UBE2J1: variants seen among roughly 807,000 people sequenced by gnomAD.
UBE2J1 encodes ubiquitin conjugating enzyme E2 J1.
A neutral mutation model predicts 42.1 loss-of-function variants in UBE2J1; 17 were observed. The observed-to-expected ratio is 0.40, with a 90% CI of 0.28 to 0.61. The LOEUF is 0.61. Ranked by LOEUF, UBE2J1 falls within the 20% of genes least tolerant of loss-of-function variation. The pLI is 0.38. For missense variants in UBE2J1, 291 were observed against 389.4 expected (o/e 0.75, Z 2.13); for synonymous variants, 127 against 137.2 (o/e 0.93, Z 0.52).
chr6:89,330,049 C>T (rs2127859358), intron 7 of UBE2J1, 92 bp from the exon 8 acceptor site: 1 of 1,232,752 alleles, frequency 8.1e-7, no homozygotes, highest in Admixed American at 2.0e-5. Flanking sequence ...TCTCAGAGGA[C>T]AACATATGAC....
At chr6:89,330,200 T>A (rs1302865464) in intron 7 of UBE2J1, among the ~76,000 whole-genome samples, 3 of 152,160 alleles carry the variant, frequency 2.0e-5, no homozygotes, top group Non-Finnish European at 4.4e-5. Context: ...AGAAAAACAA[T>A]CCCTTAAAAC....
At chr6:89,345,368 G>A (rs1050209780) in intron 1 of UBE2J1, among the ~76,000 whole-genome samples, 15 of 152,182 alleles carry the variant, frequency 9.9e-5, no homozygotes, top group Admixed American at 3.3e-4. Flanking sequence ...TTGGGAGACC[G>A]AGGCGAGTGG....
Position 89,333,998 on chromosome 6 carries a change from G to T in UBE2J1, c.559-793C>A, listed in dbSNP as rs960109190. On this transcript the variant is annotated intron_variant, in intron 6 of 7. Coordinates refer to ENST00000435041, the MANE Select transcript of UBE2J1 (RefSeq NM_016021.3). ...ATACTTTACGTCTGTATGTATGTAT[G>T]TATTTATTTATTTATATTTTTTTGA... Among the ~76,000 whole-genome samples, 8 of 152,294 alleles carry T rather than the reference G, an allele frequency of 5.3e-5. No homozygotes were observed. In the East Asian group the frequency reaches 7.7e-4, roughly 15 times the overall value.
chr6:89,341,229 G>GCACT (rs1458668215), intron 3 of UBE2J1, among the ~76,000 whole-genome samples: 2 of 152,218 alleles, frequency 1.3e-5, no homozygotes, highest in African/African-American at 4.8e-5. Flanking sequence ...TTTCAACAGG[G>GCACT]CACTATGTGT....
At chr6:89,350,604 G>A (rs1768456839) in intron 1 of UBE2J1, among the ~76,000 whole-genome samples, 1 of 151,076 alleles carries the variant, frequency 6.6e-6, no homozygotes, top group African/African-American at 2.4e-5. Flanking sequence ...TTTTTTTAGA[G>A]CAGCAACACT....
At chr6:89,349,578 C>A (rs763254745) in intron 1 of UBE2J1, among the ~76,000 whole-genome samples, 3 of 152,006 alleles carry the variant, frequency 2.0e-5, no homozygotes, top group Non-Finnish European at 4.4e-5. Flanking sequence ...GGGTAAACTG[C>A]AAGTTTAGGG....
intron 1 of UBE2J1, among the ~76,000 whole-genome samples, chr6:89,344,184 TC>T (rs144122047): frequency 0.026 from 4,009 of 152,204 alleles, 200 homozygotes; most frequent in African/African-American, 0.092. Context: ...GAGATGGGAT[TC>T]CAACACAGGC....
Position 89,347,929 on chromosome 6 carries a change from G to C in UBE2J1, c.32-4173C>G, listed in dbSNP as rs117927590. 4.8e-3 allele frequency among the ~76,000 whole-genome samples: 736 copies of C among 152,178 alleles called. 6 individuals carry two copies. The highest frequency in any genetic ancestry group is 7.0e-3 in the Non-Finnish European group (477 of 68,002). Reference sequence around the variant, plus strand: ...AGTCATTAAGGTTGAAAATGGACTGGTATATAAGGCCTTCTCAATGATTCT... The same window carrying C: ...AGTCATTAAGGTTGAAAATGGACTGCTATATAAGGCCTTCTCAATGATTCT... On this transcript the variant is annotated intron_variant, in intron 1 of 7. Coordinates refer to ENST00000435041, the MANE Select transcript of UBE2J1 (RefSeq NM_016021.3).
chr6:89,340,423 T>C (rs1233769695), intron 3 of UBE2J1, among the ~76,000 whole-genome samples: 3 of 152,164 alleles, frequency 2.0e-5, no homozygotes, highest in African/African-American at 7.2e-5. Context: ...GCTCTCCCCA[T>C]GATCTAGCAA....
At chr6:89,343,510 C>T (rs921940330) in intron 2 of UBE2J1, among the ~76,000 whole-genome samples, 173 bp downstream of exon 2, 1 of 151,124 alleles carries the variant, frequency 6.6e-6, no homozygotes, top group Non-Finnish European at 1.5e-5. Flanking sequence ...CCACAAAATC[C>T]GTTTCTTCTA....
rs1767946117 is a variant in UBE2J1 at position 89,328,511 on chromosome 6, C to T, written c.*1168G>A. On this transcript the variant is annotated 3_prime_UTR_variant, in exon 8 of 8. Coordinates refer to ENST00000435041, the MANE Select transcript of UBE2J1 (RefSeq NM_016021.3). ...TTAAAAATTAAATCTTCATTAACAA[C>T]ACCCTCAAGAGTGCCCTCAGTGCTG... The T allele has an allele frequency of 6.6e-6, 1 of 152,218 alleles. No homozygotes were observed. Among genetic ancestry groups the T allele is most frequent in the South Asian group, 2.1e-4 (1 of 4,836 alleles). 9.4% of individuals were successfully genotyped at this position (152,218 alleles called of 1,614,324 possible). A position where few individuals can be genotyped will look rare whatever the true frequency, so the allele number is the denominator to read the frequency against.
At position 89,328,600 on chromosome 6, in the gene UBE2J1, GATA is replaced by G. The variant is rs1404572933; in HGVS notation, c.*1076_*1078del. The G allele has an allele frequency of 2.0e-5, 3 of 152,110 alleles. No individual in the cohort carries two copies. Among genetic ancestry groups the G allele is most frequent in the Admixed American group, 1.3e-4 (2 of 15,266 alleles). The allele number at this position is 152,110 out of a possible 1,614,324, so 9.4% of individuals were successfully genotyped here. On this transcript the variant is annotated 3_prime_UTR_variant, in exon 8 of 8. Coordinates refer to ENST00000435041, the MANE Select transcript of UBE2J1 (RefSeq NM_016021.3). ...ATATGGTTTCACCAGCCATTATGAT[GATA>G]ATATTATCTACTAGAGTCTGTGGCG... is the stretch of plus-strand genomic sequence containing the variant.
At chr6:89,337,248 G>A (rs1390296642) in intron 5 of UBE2J1, among the ~76,000 whole-genome samples, 1 of 141,492 alleles carries the variant, frequency 7.1e-6, no homozygotes, top group Non-Finnish European at 1.5e-5. Context: ...TTTTTACCTC[G>A]CACATGAAAT....
At chr6:89,339,885 G>C (rs969774264) in intron 3 of UBE2J1, among the ~76,000 whole-genome samples, 1 of 151,948 alleles carries the variant, frequency 6.6e-6, no homozygotes, top group Non-Finnish European at 1.5e-5. Flanking sequence ...AGCGTGGTAT[G>C]TGTGACTATA....
intron 1 of UBE2J1, among the ~76,000 whole-genome samples, chr6:89,350,145 A>G (rs1366968636): frequency 6.6e-6 from 1 of 152,222 alleles, no homozygotes; most frequent in African/African-American, 2.4e-5. Flanking sequence ...AAAAAAAACC[A>G]TAAAGCAAAA....
chr6:89,350,775 A>G (rs762279368), intron 1 of UBE2J1, among the ~76,000 whole-genome samples: 8 of 152,174 alleles, frequency 5.3e-5, no homozygotes, highest in Admixed American at 2.0e-4. Context: ...AGTCTAACCT[A>G]TCGAAATTGA....
chr6:89,347,339 G>T (rs1429172380), intron 1 of UBE2J1, among the ~76,000 whole-genome samples: 1 of 152,210 alleles, frequency 6.6e-6, no homozygotes, highest in Non-Finnish European at 1.5e-5. Context: ...CAAAAAGATT[G>T]TTTTTCCTTC....
At chr6:89,337,854 T>C (rs989206262) in intron 5 of UBE2J1, among the ~76,000 whole-genome samples, 1 of 152,244 alleles carries the variant, frequency 6.6e-6, no homozygotes, top group Non-Finnish European at 1.5e-5. Context: ...TGTAATCTTG[T>C]GGAAAGCTAC....
intron 1 of UBE2J1, among the ~76,000 whole-genome samples, chr6:89,346,547 G>A (rs1404807044): frequency 2.6e-5 from 4 of 151,878 alleles, no homozygotes; most frequent in East Asian, 3.9e-4. Flanking sequence ...AGGCTGCTCC[G>A]GCCCCATCCT....
Sources: gnomAD v4.1 joint callset for allele counts (sites outside exome capture counted in the v4.1 genomes callset) on GRCh38, gnomAD v4.1.1 for gene constraint, MANE v1.5 for transcripts, NCBI Gene and HGNC (gene_info 2026-07-23, HGNC 2026-07-21) for gene names.